The following SEPTIN3 variants were observed in gnomAD, a reference collection of about 807,000 sequenced individuals.
SEPTIN3 encodes septin 3, also known as neuronal-specific septin-3.
SEPTIN3 carries 15 observed loss-of-function variants against 45.1 expected under a neutral mutation model. That is an observed-to-expected ratio of 0.33 (90% CI 0.22 to 0.51). The LOEUF is 0.51. Among genes scored for constraint, SEPTIN3 ranks in the 20% least tolerant of loss-of-function variants. SEPTIN3 has a pLI of 0.97. For missense variants in SEPTIN3, 289 were observed against 457.2 expected (o/e 0.63, Z 3.35); for synonymous variants, 148 against 164.8 (o/e 0.90, Z 0.78).
Position 41,980,980 on chromosome 22 carries a change from C to T in SEPTIN3, c.1505-665C>T, listed in dbSNP as rs535643708. On this transcript the variant is annotated intron_variant, in intron 2 of 11. Coordinates refer to ENST00000644076, the MANE Select transcript of SEPTIN3 (RefSeq NM_001363845.2). ...CAGAGGGGACATCGAGGCTGGGAGA[C>T]GAGAGTGATAGCCACTCTCCAGAGA... Among the ~76,000 whole-genome samples, 8 of 152,186 alleles carry T rather than the reference C, an allele frequency of 5.3e-5. No individual in the cohort carries two copies. In the South Asian group the frequency reaches 1.0e-3, roughly 20 times the overall value.
In SEPTIN3 at chr22:41,994,204, C is replaced by T. The variant is rs540144519; in HGVS notation, c.2360-86C>T. 1.4e-5 allele frequency: 18 copies of T among 1,320,470 alleles called. No homozygotes were observed. Among genetic ancestry groups the T allele is most frequent in the African/African-American group, 1.0e-4 (7 of 69,522 alleles). The allele number at this position is 1,320,470 out of a possible 1,614,324, so 81.8% of individuals were successfully genotyped here. A position where few individuals can be genotyped will look rare whatever the true frequency, so the allele number is the denominator to read the frequency against. ...CCCATAGCTTTCTCCTAAATGCCTC[C>T]GTGACCCAAACAGAAGCTCACCTCC... is the stretch of plus-strand genomic sequence containing the variant. On this transcript the variant is annotated intron_variant, in intron 9 of 11. Coordinates refer to ENST00000644076, the MANE Select transcript of SEPTIN3 (RefSeq NM_001363845.2). The surrounding 1 kb of genome is among the most constrained non-coding windows in gnomAD (Gnocchi z 4.2).
intron 6 of SEPTIN3, among the ~76,000 whole-genome samples, chr22:41,988,659 CTTAG>C (rs1330032909): frequency 6.6e-6 from 1 of 152,144 alleles, no homozygotes; most frequent in East Asian, 1.9e-4. Context: ...GACAGACTGA[CTTAG>C]TGAGTCCCTG....
chr22:41,970,634 C>T (rs1008720985), intron 1 of SEPTIN3, among the ~76,000 whole-genome samples: 5 of 152,262 alleles, frequency 3.3e-5, no homozygotes, highest in Admixed American at 1.3e-4. Context: ...GCCTAGGAGC[C>T]CCATGTTGGA....
chr22:41,986,720 C>A (rs1387136692), intron 4 of SEPTIN3, among the ~76,000 whole-genome samples: 1 of 152,048 alleles, frequency 6.6e-6, no homozygotes, highest in Non-Finnish European at 1.5e-5. Context: ...CCAGGATGGT[C>A]TTGATCTCCT....
In SEPTIN3 at chr22:41,994,594, CTCT is replaced by C. The variant is rs750287988; in HGVS notation, c.2412-20_2412-18del. 3.3e-5 allele frequency: 54 copies of C among 1,613,598 alleles called. No homozygotes were observed. The highest frequency in any genetic ancestry group is 4.2e-5 in the Non-Finnish European group (49 of 1,179,872). Reference sequence around the variant, plus strand: ...CCTCTTCCTGCCCCTAATTGCAGCCCTCTTCTTCTCACCCTGTGTCCTCTAGGA... The same window carrying C: ...CCTCTTCCTGCCCCTAATTGCAGCCCTCTTCTCACCCTGTGTCCTCTAGGA... On this transcript the variant is annotated intron_variant, in intron 10 of 11. Coordinates refer to ENST00000644076, the MANE Select transcript of SEPTIN3 (RefSeq NM_001363845.2). The surrounding 1 kb of genome is among the most constrained non-coding windows in gnomAD (Gnocchi z 4.2).
intron 1 of SEPTIN3, among the ~76,000 whole-genome samples, chr22:41,970,731 C>CT (rs2077950366): frequency 1.3e-5 from 2 of 152,318 alleles, no homozygotes; most frequent in Middle Eastern, 6.8e-3. Flanking sequence ...CTTTCTACCC[C>CT]TAATGCTTAG....
intron 2 of SEPTIN3, among the ~76,000 whole-genome samples, chr22:41,975,332 G>A (rs1216497665): frequency 1.3e-5 from 2 of 152,096 alleles, no homozygotes; most frequent in Non-Finnish European, 2.9e-5. Context: ...AGAGTTTTTG[G>A]GTCTGGAAAG....
In SEPTIN3 at chr22:41,997,871, T is replaced by C. The variant is rs182949246; in HGVS notation, c.*904T>C. Reference sequence around the variant, plus strand: ...ACCCAAGGGAGGGCAAAGCCCCCCATCAGATGCATGAATGTTTGCGAATGT... The same window carrying C: ...ACCCAAGGGAGGGCAAAGCCCCCCACCAGATGCATGAATGTTTGCGAATGT... On this transcript the variant is annotated 3_prime_UTR_variant, in exon 12 of 12. Transcript: ENST00000644076. The C allele has an allele frequency of 2.0e-5, 3 of 152,694 alleles. No individual in the cohort carries two copies. The highest frequency in any genetic ancestry group is 7.2e-5 in the African/African-American group (3 of 41,528). 9.5% of individuals were successfully genotyped at this position (152,694 alleles called of 1,614,324 possible).
At chr22:41,981,939 C>A in intron 3 of SEPTIN3, 103 bp downstream of exon 3, 1 of 1,039,278 alleles carries the variant, frequency 9.6e-7, no homozygotes, top group South Asian at 1.5e-5. Flanking sequence ...CTAAGATGAG[C>A]TGTTTGTAGA....
Position 41,976,302 on chromosome 22 carries a change from G to A in SEPTIN3, c.1504+3306G>A, listed in dbSNP as rs1355515278. On this transcript the variant is annotated intron_variant, in intron 2 of 11. Transcript: ENST00000644076. The surrounding 1 kb of genome is among the most constrained non-coding windows in gnomAD (Gnocchi z 5.8). ...ACCCAGAACCTTCGAGGGGAGGGATGGTTGTCCTCACCCCTGTGAGGCAAT... is the reference window on the plus strand; with the variant it reads ...ACCCAGAACCTTCGAGGGGAGGGATAGTTGTCCTCACCCCTGTGAGGCAAT... The A allele has an allele frequency of 6.6e-6, 1 of 152,234 alleles. No homozygotes were observed. Among genetic ancestry groups the A allele is most frequent in the African/African-American group, 2.4e-5 (1 of 41,436 alleles). The allele number at this position is 152,234 out of a possible 1,614,324, so 9.4% of individuals were successfully genotyped here. A position where few individuals can be genotyped will look rare whatever the true frequency, so the allele number is the denominator to read the frequency against.
At chr22:41,969,733 G>GGGGGT (rs1313876261) in intron 1 of SEPTIN3, 56 bp downstream of exon 1, 2 of 148,744 alleles carry the variant, frequency 1.3e-5, no homozygotes, top group African/African-American at 5.0e-5. Context: ...GGAGGGTGGT[G>GGGGGT]GGGGTGGGGT....
chr22:41,984,606 G>A (rs182772827), intron 3 of SEPTIN3, among the ~76,000 whole-genome samples: 184 of 152,294 alleles, frequency 1.2e-3, no homozygotes, highest in South Asian at 1.9e-3. Flanking sequence ...CGTGATCCCG[G>A]CTCACTACAG....
chr22:41,988,433 G>T (rs769621558), intron 6 of SEPTIN3, among the ~76,000 whole-genome samples: 5 of 152,028 alleles, frequency 3.3e-5, no homozygotes, highest in South Asian at 2.1e-4. Flanking sequence ...GGGGAGGGGG[G>T]TCCCATAACA....
Position 41,992,711 on chromosome 22 carries a change from A to C in SEPTIN3, c.2307A>C (p.Gln769His), listed in dbSNP as rs1240344184. The change falls in exon 9 of 12, where the codon CAA becomes CAC. Residue 769 changes from glutamine to histidine, a missense_variant. Physicochemically the swap from Gln to His is conservative, Grantham distance 24. Transcript: ENST00000644076. ...FAVVGSDKEY[Q>H]VNGKRVLGRK... ...TGGTGGGAAGTGACAAGGAGTACCA[A>C]GTGAATGGCAAGAGGGTCCTCGGCC... The C allele has an allele frequency of 1.2e-6, 2 of 1,612,742 alleles. No individual in the cohort carries two copies. The highest frequency in any genetic ancestry group is 1.7e-6 in the Non-Finnish European group (2 of 1,179,494).
At chr22:41,986,412 G>A (rs1452902563) in intron 4 of SEPTIN3, among the ~76,000 whole-genome samples, 2 of 152,154 alleles carry the variant, frequency 1.3e-5, no homozygotes, top group Admixed American at 6.5e-5. Context: ...CCAGCACTTC[G>A]GGAGGCCAAA....
At chr22:41,987,485 G>A (rs2087531155) in intron 5 of SEPTIN3, 137 bp from the exon 6 acceptor site, 4 of 1,204,390 alleles carry the variant, frequency 3.3e-6, no homozygotes, top group Non-Finnish European at 4.7e-6. Flanking sequence ...GGGCTGAGGG[G>A]GAATCTGGCA....
intron 2 of SEPTIN3, among the ~76,000 whole-genome samples, chr22:41,974,270 G>A (rs1023992681): frequency 6.6e-6 from 1 of 151,976 alleles, no homozygotes; most frequent in African/African-American, 2.4e-5. Flanking sequence ...ATAATCAGGT[G>A]ATCAATAGGT....
intron 1 of SEPTIN3, among the ~76,000 whole-genome samples, 173 bp from the exon 2 acceptor site, chr22:41,971,301 T>C (rs1194428824): frequency 1.3e-5 from 2 of 151,940 alleles, no homozygotes; most frequent in African/African-American, 4.8e-5. Flanking sequence ...GTAGGAGCCG[T>C]AGGAGGACAG....
In SEPTIN3 at chr22:41,974,860, GAA is replaced by G. The variant is rs55642127; in HGVS notation, c.1504+1891_1504+1892del. 6.1e-3 allele frequency among the ~76,000 whole-genome samples: 450 copies of G among 74,248 alleles called. 2 individuals are homozygous for G. Among genetic ancestry groups the G allele is most frequent in the African/African-American group, 0.021 (405 of 19,552 alleles). The allele number at this position is 74,248 out of a possible 152,430, so 48.7% of individuals were successfully genotyped here. ...ACAGAGCGAGACTCTGTCTCAAAAA[GAA>G]AAAAAAAAAAAAAAAAAAAAAAAAA... On this transcript the variant is annotated intron_variant, in intron 2 of 11. Coordinates refer to ENST00000644076, the MANE Select transcript of SEPTIN3 (RefSeq NM_001363845.2).
Sources: allele counts gnomAD v4.1 joint callset (sites outside exome capture counted in the v4.1 genomes callset), GRCh38; gene constraint gnomAD v4.1.1; non-coding constraint Gnocchi (gnomAD v3.1); transcripts MANE v1.5; gene names NCBI Gene and HGNC (gene_info 2026-07-23, HGNC 2026-07-21).